The following MTA3 variants were observed in gnomAD, a reference collection of about 807,000 sequenced individuals.
MTA3 encodes metastasis associated 1 family member 3.
In MTA3, 34 loss-of-function variants were observed where a neutral mutation model predicts 83.5. That is an observed-to-expected ratio of 0.41 (90% CI 0.31 to 0.54). The LOEUF (loss-of-function observed/expected upper bound fraction) is 0.54. Ranked by LOEUF, MTA3 falls within the 20% of genes least tolerant of loss-of-function variation. MTA3 has a pLI of 0.33. For missense variants in MTA3, 761 were observed against 726.4 expected (o/e 1.05, Z -0.55); for synonymous variants, 303 against 252.7 (o/e 1.20, Z -1.89).
intron 16 of MTA3, among the ~76,000 whole-genome samples, chr2:42,735,032 T>A (rs1361872901): frequency 1.3e-5 from 2 of 152,338 alleles, no homozygotes; most frequent in East Asian, 3.9e-4. Context: ...TCTGTGTTTT[T>A]CTGTGTGCTT....
rs866076884 is a variant in MTA3 at position 42,507,434 on chromosome 2, G to T, written c.-141+12180G>T. Among the ~76,000 whole-genome samples the T allele has an allele frequency of 3.9e-5, 6 of 152,006 alleles. No homozygotes were observed. The South Asian group carries it at 8.3e-4, about 21-fold the overall frequency. Reference sequence around the variant, plus strand: ...CCCACCTCAGCCTCCCAAAGTGTTGGGATTACAGGCATGAGCCACTGTGCC... The same window carrying T: ...CCCACCTCAGCCTCCCAAAGTGTTGTGATTACAGGCATGAGCCACTGTGCC... On this transcript the variant is annotated intron_variant, in intron 2 of 17. Coordinates refer to the MTA3 transcript ENST00000405592.
chr2:42,664,294 T>C lies in MTA3; in HGVS notation c.702+4432T>C, dbSNP rs556596557. Among the ~76,000 whole-genome samples the C allele has an allele frequency of 2.3e-3, 349 of 152,188 alleles. 2 individuals carry two copies. Among genetic ancestry groups the C allele is most frequent in the African/African-American group, 7.2e-3 (300 of 41,526 alleles). On this transcript the variant is annotated intron_variant, in intron 8 of 16. Coordinates refer to ENST00000405094, the MANE Select transcript of MTA3 (RefSeq NM_001330442.2). ...GAGTAGTATGGTTAAAAATTAATTATTAGTATGTTGATAATGAGCTTTGCA... is the reference window on the plus strand; with the variant it reads ...GAGTAGTATGGTTAAAAATTAATTACTAGTATGTTGATAATGAGCTTTGCA...
intron 12 of MTA3, among the ~76,000 whole-genome samples, chr2:42,707,437 C>A (rs192151166): frequency 2.0e-4 from 30 of 152,054 alleles, no homozygotes; most frequent in Non-Finnish European, 4.0e-4. Context: ...TCAGTAGAGA[C>A]GGGGTTTCAC....
rs553931922 is a variant in MTA3 at position 42,657,127 on chromosome 2, T to G, written c.602+825T>G. ...CTAACAAATTTATAATATTTATTTT[T>G]TAAAAGAATGAACCAAACATGGCAA... On this transcript the variant is annotated intron_variant, in intron 7 of 16. Coordinates refer to ENST00000405094, the MANE Select transcript of MTA3 (RefSeq NM_001330442.2). Among the ~76,000 whole-genome samples the G allele has an allele frequency of 2.1e-4, 32 of 152,356 alleles. 1 individual carries two copies. The South Asian group carries it at 6.4e-3, about 31-fold the overall frequency.
intron 3 of MTA3, among the ~76,000 whole-genome samples, chr2:42,600,419 C>A (rs920583290): frequency 2.0e-5 from 3 of 151,978 alleles, no homozygotes; most frequent in African/African-American, 4.8e-5. Context: ...TATTAATTTT[C>A]TGACTTTTGG....
At chr2:42,509,975 A>T (rs1356247652) in intron 2 of MTA3, among the ~76,000 whole-genome samples, 1 of 152,070 alleles carries the variant, frequency 6.6e-6, no homozygotes, top group Non-Finnish European at 1.5e-5. Context: ...CTGGTAGAGA[A>T]GGTCTTGGCA....
intron 3 of MTA3, among the ~76,000 whole-genome samples, chr2:42,601,021 C>G (rs1192933959): frequency 6.6e-6 from 1 of 152,098 alleles, no homozygotes; most frequent in Non-Finnish European, 1.5e-5. Context: ...ATTCTCCTGC[C>G]TCAGCCTCCC....
rs190310196 is a variant in MTA3 at position 42,619,812 on chromosome 2, T to C, written c.317+10228T>C. 1.5e-3 allele frequency among the ~76,000 whole-genome samples: 233 copies of C among 152,322 alleles called. 1 individual carries two copies. Among genetic ancestry groups the C allele is most frequent in the Non-Finnish European group, 2.8e-3 (188 of 68,034 alleles). ...TAACAGTAAGATGTTACTTACCTTTTTTCTGTGTTGATTTTGCTCTCCTGG... is the reference window on the plus strand; with the variant it reads ...TAACAGTAAGATGTTACTTACCTTTCTTCTGTGTTGATTTTGCTCTCCTGG... On this transcript the variant is annotated intron_variant, in intron 4 of 16. Transcript: ENST00000405094.
intron 2 of MTA3, among the ~76,000 whole-genome samples, chr2:42,549,407 ATAAT>A (rs1444151684): frequency 5.1e-5 from 6 of 117,412 alleles, no homozygotes; most frequent in Non-Finnish European, 9.7e-5. Context: ...ATATACGTAT[ATAAT>A]ATATATTATA....
At chr2:42,600,585 AG>A (rs760524135) in intron 3 of MTA3, among the ~76,000 whole-genome samples, 10 of 151,236 alleles carry the variant, frequency 6.6e-5, no homozygotes, top group Non-Finnish European at 8.8e-5. Context: ...TCTGTCACCC[AG>A]GCTGGAGTGC....
At chr2:42,703,040 G>A (rs937290539) in intron 11 of MTA3, 2 of 152,030 alleles carry the variant, frequency 1.3e-5, no homozygotes, top group Non-Finnish European at 2.9e-5. Flanking sequence ...GCTCACTGCA[G>A]CCTCTAACTC....
intron 9 of MTA3, among the ~76,000 whole-genome samples, chr2:42,695,400 C>T (rs1049445825): frequency 5.3e-5 from 8 of 151,564 alleles, no homozygotes; most frequent in African/African-American, 1.2e-4. Context: ...TTTGGGAGGC[C>T]GAGGCGGGCA....
Position 42,599,996 on chromosome 2 carries a change from A to ATCAGGAGATTGAGGTTAG in MTA3, c.191-9462_191-9461insTCAGGAGATTGAGGTTAG, listed in dbSNP as rs572859367. 5.6e-3 allele frequency among the ~76,000 whole-genome samples: 850 copies of ATCAGGAGATTGAGGTTAG among 152,006 alleles called. 4 individuals carry two copies. Among genetic ancestry groups the ATCAGGAGATTGAGGTTAG allele is most frequent in the Non-Finnish European group, 7.8e-3 (531 of 67,998 alleles). ...CGGATCACGAGGTCAGGAGATTGAGACCATCCTGGCTAACACAGTGAAACC... is the reference window on the plus strand; with the variant it reads ...CGGATCACGAGGTCAGGAGATTGAGATCAGGAGATTGAGGTTAGCCATCCTGGCTAACACAGTGAAACC... On this transcript the variant is annotated intron_variant, in intron 3 of 16. Transcript: ENST00000405094.
At position 42,659,859 on chromosome 2, in the gene MTA3, C is replaced by A. The variant is rs762204620; in HGVS notation, c.699C>A (p.Thr233=). ...CTGCTGCAGCTTCCCGAGACATCACCTTGGTAAGACATGGTTTGAAATTTT... is the reference window on the plus strand; with the variant it reads ...CTGCTGCAGCTTCCCGAGACATCACATTGGTAAGACATGGTTTGAAATTTT... ...MSAAAASRDI[T]LFHAMDTLYR... is the part of the protein sequence containing the mutation. The change falls in exon 8 of 17, where the codon ACC becomes ACA. Residue 233 remains threonine, a synonymous_variant. Transcript: ENST00000405094. 1.0e-5 allele frequency: 16 copies of A among 1,596,668 alleles called. No homozygotes were observed. In the African/African-American group the frequency reaches 1.9e-4, roughly 19 times the overall value.
intron 2 of MTA3, among the ~76,000 whole-genome samples, chr2:42,496,959 A>G (rs1674163594): frequency 6.6e-6 from 1 of 152,176 alleles, no homozygotes; most frequent in South Asian, 2.1e-4. Flanking sequence ...TAATCTCAGC[A>G]CTTTGGAAGG....
rs144361540 is a variant in MTA3, at chr2:42,746,228, T to C, written c.1760-7146T>C. Among the ~76,000 whole-genome samples the C allele has an allele frequency of 9.4e-3, 1,430 of 152,284 alleles. 4 individuals are homozygous for C. The highest frequency in any genetic ancestry group is 0.014 in the Admixed American group (215 of 15,298). Reference sequence around the variant, plus strand: ...TGGTTTTTAGGATTTTTAACAAACTTTTTTTCTGGTTTTATTAAACTTGAA... The same window carrying C: ...TGGTTTTTAGGATTTTTAACAAACTCTTTTTCTGGTTTTATTAAACTTGAA... On this transcript the variant is annotated intron_variant, in intron 16 of 16. Coordinates refer to ENST00000405094, the MANE Select transcript of MTA3 (RefSeq NM_001330442.2).
At chr2:42,738,247 G>C (rs899988633) in intron 16 of MTA3, among the ~76,000 whole-genome samples, 1 of 152,148 alleles carries the variant, frequency 6.6e-6, no homozygotes, top group African/African-American at 2.4e-5. Context: ...GCAACAGAGT[G>C]TGTTGCAGGA....
At chr2:42,575,380 A>G (rs1271700615) in intron 2 of MTA3, among the ~76,000 whole-genome samples, 3 of 152,230 alleles carry the variant, frequency 2.0e-5, no homozygotes, top group Non-Finnish European at 4.4e-5. Context: ...TGGCTGGCAC[A>G]TAGTTAAAGG....
chr2:42,552,943 C>T (rs969149603), intron 2 of MTA3, among the ~76,000 whole-genome samples: 1 of 149,742 alleles, frequency 6.7e-6, no homozygotes, highest in East Asian at 1.9e-4. Flanking sequence ...CCGCAAGACT[C>T]CATCTCAAAA....
Sources: gnomAD v4.1 joint callset for allele counts (sites outside exome capture counted in the v4.1 genomes callset) on GRCh38, gnomAD v4.1.1 for gene constraint, MANE v1.5 for transcripts, NCBI Gene and HGNC (gene_info 2026-07-23, HGNC 2026-07-21) for gene names.